The following GPC5 variants were observed in gnomAD, a reference collection of about 807,000 sequenced individuals.
GPC5 encodes the protein glypican-5.
In GPC5, 47 loss-of-function variants were observed where a neutral mutation model predicts 53.9. The ratio of observed to expected loss-of-function variants is 0.87; its 90% CI spans 0.69 to 1.11. The LOEUF is 1.11. Ranked by LOEUF, GPC5 falls within the 50% of genes most tolerant of loss-of-function variation. GPC5 has a pLI of 0.00. For missense variants in GPC5, 748 were observed against 713.1 expected (o/e 1.05, Z -0.56); for synonymous variants, 286 against 263.3 (o/e 1.09, Z -0.84).
chr13:91,471,194 C>A (rs988627416), intron 2 of GPC5, among the ~76,000 whole-genome samples: 2 of 152,080 alleles, frequency 1.3e-5, no homozygotes, highest in South Asian at 4.1e-4. Flanking sequence ...GTAACAGTCA[C>A]CCCCTTGGGG....
At chr13:91,548,621 A>G (rs940897231) in intron 2 of GPC5, among the ~76,000 whole-genome samples, 1 of 152,212 alleles carries the variant, frequency 6.6e-6, no homozygotes, top group African/African-American at 2.4e-5. Context: ...GTTTACATGG[A>G]GAGGCAGAAG....
chr13:92,845,757 G>A (rs1878592369), intron 7 of GPC5, among the ~76,000 whole-genome samples: 1 of 152,056 alleles, frequency 6.6e-6, no homozygotes, highest in Non-Finnish European at 1.5e-5. Flanking sequence ...CAGACAGGAT[G>A]ACAAAATCAT....
intron 7 of GPC5, among the ~76,000 whole-genome samples, chr13:92,349,372 C>T (rs1316035528): frequency 1.3e-5 from 2 of 151,578 alleles, no homozygotes; most frequent in African/African-American, 2.4e-5. Context: ...CTTGAACTCC[C>T]GACCTCAGGT....
chr13:91,433,478 G>T (rs914315298), intron 1 of GPC5, among the ~76,000 whole-genome samples: 1 of 151,116 alleles, frequency 6.6e-6, no homozygotes, highest in Non-Finnish European at 1.5e-5. Context: ...GTGATAGTTT[G>T]CTGAGAACGA....
chr13:92,264,960 C>T (rs1486803233), intron 7 of GPC5, among the ~76,000 whole-genome samples: 3 of 147,654 alleles, frequency 2.0e-5, no homozygotes, highest in African/African-American at 5.0e-5. Flanking sequence ...CAAGGCTGCA[C>T]GGAAATGTAG....
In GPC5 at chr13:91,467,971, C is replaced by T. The variant is rs564098125; in HGVS notation, c.325+19049C>T. Among the ~76,000 whole-genome samples, 13 of 152,250 alleles carry T rather than the reference C, an allele frequency of 8.5e-5. No individual in the cohort carries two copies. In the South Asian group the frequency reaches 2.3e-3, roughly 27 times the overall value. ...TGCAGTTATGTTGACCCCAGAATAT[C>T]GCTGGCTCACATCCATGGAGAAGAT... On this transcript the variant is annotated intron_variant, in intron 2 of 7. Transcript: ENST00000377067.
intron 7 of GPC5, among the ~76,000 whole-genome samples, chr13:92,704,911 A>G (rs1465895758): frequency 9.9e-6 from 1 of 101,162 alleles, no homozygotes; most frequent in Non-Finnish European, 2.0e-5. Flanking sequence ...ATATATATAT[A>G]CACTTATATG....
chr13:92,788,625 ATTAC>A (rs1876347120), intron 7 of GPC5, among the ~76,000 whole-genome samples: 1 of 152,190 alleles, frequency 6.6e-6, no homozygotes, highest in Admixed American at 6.6e-5. Context: ...TATTTTGTTA[ATTAC>A]TTTTTCAATA....
At position 91,712,968 on chromosome 13, in the gene GPC5, A is replaced by T. The variant is rs143379951; in HGVS notation, c.1021-15564A>T. Among the ~76,000 whole-genome samples, 33 of 152,276 alleles carry T rather than the reference A, an allele frequency of 2.2e-4. No individual in the cohort carries two copies. The East Asian group carries it at 5.4e-3, about 25-fold the overall frequency. On this transcript the variant is annotated intron_variant, in intron 3 of 7. Transcript: ENST00000377067. Reference sequence around the variant, plus strand: ...CACTTTGGGAGGCCAAGGTGGGGAGATTACCTGAGGTCAGGAGTTTGAGAC... The same window carrying T: ...CACTTTGGGAGGCCAAGGTGGGGAGTTTACCTGAGGTCAGGAGTTTGAGAC...
intron 5 of GPC5, among the ~76,000 whole-genome samples, chr13:91,796,415 C>T (rs980521131): frequency 6.6e-5 from 10 of 152,122 alleles, no homozygotes; most frequent in Admixed American, 2.6e-4. Context: ...TGAGCTGGAA[C>T]AAACAGACCA....
At chr13:91,968,752 G>A (rs1029661372) in intron 6 of GPC5, among the ~76,000 whole-genome samples, 1 of 151,068 alleles carries the variant, frequency 6.6e-6, no homozygotes, top group African/African-American at 2.4e-5. Context: ...GTGAGCCACT[G>A]CGCCCGGGCA....
intron 1 of GPC5, among the ~76,000 whole-genome samples, chr13:91,413,331 GA>G (rs1408527137): frequency 7.3e-5 from 11 of 151,458 alleles, no homozygotes; most frequent in Non-Finnish European, 1.5e-4. Flanking sequence ...TCATTGAAAG[GA>G]AAAAGCAAAT....
At chr13:92,067,993 G>A (rs1314647601) in intron 6 of GPC5, among the ~76,000 whole-genome samples, 1 of 151,864 alleles carries the variant, frequency 6.6e-6, no homozygotes, top group Non-Finnish European at 1.5e-5. Context: ...AAAGGGAAAG[G>A]GAGAGAGGGA....
At chr13:92,834,275 T>G (rs994791009) in intron 7 of GPC5, among the ~76,000 whole-genome samples, 7 of 152,202 alleles carry the variant, frequency 4.6e-5, no homozygotes, top group African/African-American at 7.2e-5. Context: ...TCTCTTTCAA[T>G]GGTAAGAAAA....
chr13:91,684,150 C>G (rs1281459842), intron 2 of GPC5, among the ~76,000 whole-genome samples: 1 of 152,076 alleles, frequency 6.6e-6, no homozygotes, highest in Non-Finnish European at 1.5e-5. Flanking sequence ...TCACTGGCTT[C>G]TTATTCTAAT....
chr13:92,682,591 AAC>A (rs1279924899), intron 7 of GPC5, among the ~76,000 whole-genome samples: 2 of 152,208 alleles, frequency 1.3e-5, no homozygotes, highest in East Asian at 3.9e-4. Context: ...GCATAAGCAA[AAC>A]ACAGAAAAAG....
At chr13:91,803,755 A>G (rs548606972) in intron 5 of GPC5, among the ~76,000 whole-genome samples, 1 of 147,992 alleles carries the variant, frequency 6.8e-6, no homozygotes, top group Non-Finnish European at 1.5e-5. Flanking sequence ...CTAGAAACAT[A>G]TATAACAGAG....
intron 4 of GPC5, among the ~76,000 whole-genome samples, chr13:91,735,661 A>AT (rs1454319601): frequency 3.3e-5 from 5 of 151,260 alleles, no homozygotes; most frequent in Admixed American, 1.3e-4. Flanking sequence ...ATAAATGGCT[A>AT]TTTTTCTGAA....
At chr13:92,678,971 C>T (rs185280727) in intron 7 of GPC5, among the ~76,000 whole-genome samples, 97 of 151,984 alleles carry the variant, frequency 6.4e-4, no homozygotes, top group Non-Finnish European at 1.1e-3. Flanking sequence ...AGCCAAACGT[C>T]CCTATTTAAT....
Sources: allele counts gnomAD v4.1 joint callset (sites outside exome capture counted in the v4.1 genomes callset), GRCh38; gene constraint gnomAD v4.1.1; transcripts MANE v1.5; gene names NCBI Gene and HGNC (gene_info 2026-07-23, HGNC 2026-07-21).